IQSEC1: variants seen among roughly 807,000 people sequenced by gnomAD.
The protein encoded by IQSEC1 is IQ motif and SEC7 domain-containing protein 1.
In IQSEC1, 31 loss-of-function variants were observed where a neutral mutation model predicts 91.0. The observed-to-expected ratio is 0.34, with a 90% CI of 0.26 to 0.46. The LOEUF (loss-of-function observed/expected upper bound fraction) is 0.46. IQSEC1 is among the 20% of genes least tolerant of loss of function. The probability of loss-of-function intolerance (pLI) is 1.00; values close to 1 mark genes in which losing one functional copy is unlikely to be tolerated. For synonymous variants in IQSEC1, 699 were observed against 662.6 expected (o/e 1.05, Z -0.84); for missense variants, 1,388 against 1,575.6 (o/e 0.88, Z 2.02).
At chr3:12,975,581 TC>T (rs1701127287) in intron 1 of IQSEC1, among the ~76,000 whole-genome samples, 1 of 152,142 alleles carries the variant, frequency 6.6e-6, no homozygotes, top group African/African-American at 2.4e-5. Context: ...GTCCATTTGG[TC>T]CCCAAACCAT....
At chr3:13,095,533 G>C (rs1412196635) in intron 2 of IQSEC1, among the ~76,000 whole-genome samples, 1 of 152,074 alleles carries the variant, frequency 6.6e-6, no homozygotes, top group African/African-American at 2.4e-5. Context: ...CAGAGGCCGA[G>C]TTGCTTCCTG....
chr3:13,233,880 G>A (rs1291001191), intron 1 of IQSEC1, among the ~76,000 whole-genome samples: 1 of 152,134 alleles, frequency 6.6e-6, no homozygotes, highest in Non-Finnish European at 1.5e-5. Flanking sequence ...TGTAACATGG[G>A]GATAATTCTA....
At position 13,282,069 on chromosome 3, in the gene IQSEC1, C is replaced by A. The variant is rs1695802433; in HGVS notation, c.272+642G>T. 6.6e-6 allele frequency among the ~76,000 whole-genome samples: 1 copy of A among 152,200 alleles called. No individual in the cohort carries two copies. The highest frequency in any genetic ancestry group is 1.9e-4 in the East Asian group (1 of 5,194). On this transcript the variant is annotated intron_variant, in intron 1 of 15. Transcript: ENST00000648114. The surrounding 1 kb of genome is among the most constrained non-coding windows in gnomAD (Gnocchi z 6.4). ...GGTCCAGGGCTGCTGGACAGCCCCG[C>A]CCTGTACCTCTCCCCATCCCTCACT...
At chr3:13,019,276 T>C (rs536189522) in intron 1 of IQSEC1, among the ~76,000 whole-genome samples, 1 of 152,348 alleles carries the variant, frequency 6.6e-6, no homozygotes, top group African/African-American at 2.4e-5. Flanking sequence ...TCCCGGCTCC[T>C]TGACTGCGGT....
chr3:13,206,635 G>T (rs11929139), intron 1 of IQSEC1, among the ~76,000 whole-genome samples: 5 of 152,048 alleles, frequency 3.3e-5, no homozygotes, highest in African/African-American at 9.7e-5. Context: ...TTTAAAAATC[G>T]TATGCATTAT....
rs1694003631 is a variant in IQSEC1 at position 12,899,499 on chromosome 3, A to C, written c.*1484T>G. ...GCCGCGTGCAGGTCTGGCCCTGGGG[A>C]GCGCATGGTGTCACCACAACACAGA... On this transcript the variant is annotated 3_prime_UTR_variant, in exon 14 of 14. Transcript: ENST00000613206. The C allele has an allele frequency of 6.4e-7, 1 of 1,571,312 alleles. No homozygotes were observed. The highest frequency in any genetic ancestry group is 8.6e-7 in the Non-Finnish European group (1 of 1,157,156).
At position 13,194,103 on chromosome 3, in the gene IQSEC1, G is replaced by C. The variant is rs542336016; in HGVS notation, c.273-29970C>G. 2.0e-5 allele frequency among the ~76,000 whole-genome samples: 3 copies of C among 152,278 alleles called. No homozygotes were observed. The East Asian group carries it at 5.8e-4, about 29-fold the overall frequency. On this transcript the variant is annotated intron_variant, in intron 1 of 15. Coordinates refer to the IQSEC1 transcript ENST00000648114. ...TCCTAAGAGGACACCAGTCAGATTG[G>C]ATTAGGGCCACCACCACGAGCTCAT...
intron 1 of IQSEC1, among the ~76,000 whole-genome samples, chr3:13,196,841 C>T (rs1171712600): frequency 6.6e-6 from 1 of 151,928 alleles, no homozygotes; most frequent in Non-Finnish European, 1.5e-5. Flanking sequence ...AAGAAGCAGC[C>T]GCAGGGGCTC....
chr3:13,078,194 G>C (rs780907387), upstream of IQSEC1, among the ~76,000 whole-genome samples: 5 of 152,190 alleles, frequency 3.3e-5, no homozygotes. Context: ...CCCCTGGGGA[G>C]AGAACCAGTG....
intron 2 of IQSEC1, among the ~76,000 whole-genome samples, chr3:13,087,074 G>A (rs1358646311): frequency 1.3e-5 from 2 of 152,204 alleles, no homozygotes; most frequent in African/African-American, 4.8e-5. Flanking sequence ...GTGCCACACT[G>A]TAGCTCTACT....
chr3:12,947,224 G>C (rs560024484), intron 1 of IQSEC1, among the ~76,000 whole-genome samples: 1 of 152,302 alleles, frequency 6.6e-6, no homozygotes, highest in South Asian at 2.1e-4. Flanking sequence ...GCCAATACCC[G>C]ACGTGATGAA....
At chr3:13,167,350 G>T (rs1381068775) in intron 1 of IQSEC1, among the ~76,000 whole-genome samples, 1 of 152,148 alleles carries the variant, frequency 6.6e-6, no homozygotes, top group Non-Finnish European at 1.5e-5. Flanking sequence ...TTATCAAGCT[G>T]CCCAGCACCT....
chr3:12,950,280 G>T (rs1699454184), intron 1 of IQSEC1, among the ~76,000 whole-genome samples: 1 of 152,206 alleles, frequency 6.6e-6, no homozygotes, highest in African/African-American at 2.4e-5. Flanking sequence ...ATGTTCTCGG[G>T]ACTGCAGTCC....
At chr3:13,246,140 C>T (rs961118754) in intron 1 of IQSEC1, among the ~76,000 whole-genome samples, 4 of 152,222 alleles carry the variant, frequency 2.6e-5, no homozygotes, top group Non-Finnish European at 5.9e-5. Context: ...AATATACAAA[C>T]AAAATGCGGC....
chr3:13,008,693 CTGG>C lies in IQSEC1; in HGVS notation c.23+64296_23+64298del, dbSNP rs1702741547. The stretch of plus-strand genomic sequence containing the variant: ...GCTCTGTGAGGGAGGGGGTCTCACG[CTGG>C]TGTCCTCACTGCTTTGAGCGGTGCT... On this transcript the variant is annotated intron_variant, in intron 1 of 13. Coordinates refer to ENST00000613206, the MANE Select transcript of IQSEC1 (RefSeq NM_001134382.3). The surrounding 1 kb of genome is among the most constrained non-coding windows in gnomAD (Gnocchi z 4.1). 6.6e-6 allele frequency among the ~76,000 whole-genome samples: 1 copy of C among 152,226 alleles called. No homozygotes were observed. The highest frequency in any genetic ancestry group is 1.5e-5 in the Non-Finnish European group (1 of 68,044).
At chr3:12,904,311 G>A (rs765904205) in intron 12 of IQSEC1, among the ~76,000 whole-genome samples, 1 of 152,198 alleles carries the variant, frequency 6.6e-6, no homozygotes, top group African/African-American at 2.4e-5. Context: ...AAGGGCTTTG[G>A]GTGGCTCTGG....
At position 13,258,598 on chromosome 3, in the gene IQSEC1, A is replaced by G. The variant is rs138064035; in HGVS notation, c.272+24113T>C. Among the ~76,000 whole-genome samples the G allele has an allele frequency of 8.9e-3, 1,348 of 152,234 alleles. 22 individuals are homozygous for G. Among genetic ancestry groups the G allele is most frequent in the African/African-American group, 0.031 (1,286 of 41,522 alleles). On this transcript the variant is annotated intron_variant, in intron 1 of 15. Transcript: ENST00000648114. ...CCACTCAGGAGGCTGAGGTGGGAGG[A>G]TCACTTGAGCGCAGGAAATCGAGGC...
intron 2 of IQSEC1, among the ~76,000 whole-genome samples, chr3:12,938,253 G>A (rs754928526): frequency 3.9e-5 from 6 of 152,260 alleles, no homozygotes; most frequent in Non-Finnish European, 7.3e-5. Context: ...TGGAATGGGA[G>A]GCATGGAGGT....
At chr3:12,997,302 C>A (rs1702262343) in intron 1 of IQSEC1, among the ~76,000 whole-genome samples, 1 of 152,168 alleles carries the variant, frequency 6.6e-6, no homozygotes, top group Admixed American at 6.5e-5. Context: ...AACAAAAAAA[C>A]TCTTATTGAT....
Sources: allele counts gnomAD v4.1 joint callset (sites outside exome capture counted in the v4.1 genomes callset), GRCh38; gene constraint gnomAD v4.1.1; non-coding constraint Gnocchi (gnomAD v3.1); transcripts MANE v1.5; gene names NCBI Gene and HGNC (gene_info 2026-07-23, HGNC 2026-07-21).